DNAH5: variants seen among roughly 807,000 people sequenced by gnomAD.
DNAH5 encodes the protein dynein axonemal heavy chain 5.
A neutral mutation model predicts 518.2 loss-of-function variants in DNAH5; 372 were observed. The ratio of observed to expected loss-of-function variants is 0.72; its 90% CI spans 0.66 to 0.78. The LOEUF (loss-of-function observed/expected upper bound fraction) is 0.78. Among genes scored for constraint, DNAH5 ranks in the 30% least tolerant of loss-of-function variants. DNAH5 has a pLI of 0.00. For synonymous variants in DNAH5, 2,039 were observed against 2,025.9 expected (o/e 1.01, Z -0.17); for missense variants, 5,523 against 5,687.0 (o/e 0.97, Z 0.93).
intron 3 of DNAH5, among the ~76,000 whole-genome samples, chr5:13,925,854 G>GC (rs2152001007): frequency 6.6e-6 from 1 of 152,320 alleles, no homozygotes; most frequent in South Asian, 2.1e-4. Flanking sequence ...GAATGAGACT[G>GC]CAACTGTCCC....
At chr5:13,937,636 G>T (rs532406431) in intron 1 of DNAH5, among the ~76,000 whole-genome samples, 2 of 150,936 alleles carry the variant, frequency 1.3e-5, no homozygotes, top group African/African-American at 2.4e-5. Context: ...ACGGGGAAGT[G>T]GGTAGGGAAA....
chr5:13,792,785 G>A (rs1757203590), intron 49 of DNAH5, among the ~76,000 whole-genome samples: 2 of 152,178 alleles, frequency 1.3e-5, no homozygotes, highest in African/African-American at 4.8e-5. Context: ...TCACTAGCCT[G>A]GGGCACCCAG....
rs762917648 is a variant in DNAH5 at position 13,817,654 on chromosome 5, T to G, written c.6882A>C (p.Lys2294Asn). The G allele has an allele frequency of 1.2e-6, 2 of 1,614,224 alleles. No homozygotes were observed. Among genetic ancestry groups the G allele is most frequent in the East Asian group, 4.5e-5 (2 of 44,876 alleles). The change falls in exon 42 of 79, where the codon AAA becomes AAC. Residue 2294 changes from lysine to asparagine, a missense_variant. Lys to Asn is a moderately conservative substitution (Grantham distance 94). This residue lies in a region of DNAH5 where 5,121 missense variants were observed against 5,223.3 expected (regional missense o/e 0.98). Transcript: ENST00000265104. Reference protein sequence around the residue: ...KPHREMRMNPKAITAPQMFGR... With the variant: ...KPHREMRMNPNAITAPQMFGR... Reference sequence around the variant, plus strand: ...CAAACATCTGTGGGGCAGTAATCGCTTTGGGATTCATCCTCATTTCCCGAT... The same window carrying G: ...CAAACATCTGTGGGGCAGTAATCGCGTTGGGATTCATCCTCATTTCCCGAT...
chr5:13,893,030 C>T (rs192034943), intron 16 of DNAH5, among the ~76,000 whole-genome samples: 1 of 152,272 alleles, frequency 6.6e-6, no homozygotes, highest in Admixed American at 6.5e-5. Flanking sequence ...CATAATTTCT[C>T]ACTCTACTCC....
intron 1 of DNAH5, among the ~76,000 whole-genome samples, chr5:13,987,199 CT>C (rs1415687437): frequency 6.6e-6 from 1 of 151,994 alleles, no homozygotes; most frequent in African/African-American, 2.4e-5. Flanking sequence ...TCTTGCCTTC[CT>C]GGGATTGGAC....
At chr5:13,739,083 C>T (rs1014583413) in intron 65 of DNAH5, among the ~76,000 whole-genome samples, 12 of 152,100 alleles carry the variant, frequency 7.9e-5, no homozygotes, top group African/African-American at 2.7e-4. Flanking sequence ...ACTGGACTCA[C>T]GGCAGCTACC....
chr5:14,003,045 A>G (rs897390371), intron 1 of DNAH5, among the ~76,000 whole-genome samples: 9 of 152,192 alleles, frequency 5.9e-5, no homozygotes, highest in African/African-American at 2.2e-4. Flanking sequence ...GCTTTGAAGC[A>G]AAAAGGTTCT....
intron 47 of DNAH5, among the ~76,000 whole-genome samples, chr5:13,800,665 C>A (rs75763349): frequency 0.032 from 4,909 of 152,242 alleles, 245 homozygotes; most frequent in African/African-American, 0.11. Flanking sequence ...ATGACTCATA[C>A]ACAATGGCTA....
intron 52 of DNAH5, among the ~76,000 whole-genome samples, chr5:13,782,728 T>C (rs1014325852): frequency 3.3e-5 from 5 of 152,176 alleles, no homozygotes; most frequent in Non-Finnish European, 7.3e-5. Context: ...TGGGCCAAGG[T>C]CTTACATTAA....
upstream of DNAH5, among the ~76,000 whole-genome samples, chr5:13,947,726 A>T (rs115724482): frequency 6.6e-6 from 1 of 152,308 alleles, no homozygotes; most frequent in East Asian, 1.9e-4. Context: ...ATGGATTTCC[A>T]TCTTTAAGAA....
chr5:13,747,190 C>T (rs1030508799), intron 65 of DNAH5, among the ~76,000 whole-genome samples: 1 of 152,092 alleles, frequency 6.6e-6, no homozygotes, highest in African/African-American at 2.4e-5. Flanking sequence ...TTTCCAGCTT[C>T]ATCCATGTCC....
chr5:14,010,786 A>G (rs429880), intron 1 of DNAH5, among the ~76,000 whole-genome samples: 5,074 of 152,302 alleles, frequency 0.033, 280 homozygotes, highest in African/African-American at 0.12. Context: ...TATTATTTGC[A>G]TAATCTAGAT....
chr5:13,692,031 C>G lies in DNAH5; in HGVS notation c.13828G>C (p.Glu4610Gln). The change falls in exon 79 of 79, where the codon GAA becomes CAA. Residue 4610 changes from glutamate to glutamine, a missense_variant. This residue lies in a region of DNAH5 where 387 missense variants were observed against 430.0 expected (regional missense o/e 0.90). Coordinates refer to ENST00000265104, the MANE Select transcript of DNAH5 (RefSeq NM_001369.3). ...GCAACCCCACGGAGCACCCAGTGTTCAGGGGTCTGGGCTGTCCTGAGATCC... is the reference window on the plus strand; with the variant it reads ...GCAACCCCACGGAGCACCCAGTGTTGAGGGGTCTGGGCTGTCCTGAGATCC... The part of the protein sequence containing the change: ...AVDLRTAQTP[E>Q]HWVLRGVALL... 1 of 1,614,098 alleles carries G rather than the reference C, an allele frequency of 6.2e-7. No individual in the cohort carries two copies. Among genetic ancestry groups the G allele is most frequent in the African/African-American group, 1.3e-5 (1 of 75,024 alleles).
chr5:13,889,930 A>T (rs1772966579), intron 17 of DNAH5, among the ~76,000 whole-genome samples: 1 of 152,158 alleles, frequency 6.6e-6, no homozygotes, highest in African/African-American at 2.4e-5. Flanking sequence ...CCGGCACATC[A>T]TATTAAAATC....
rs755224655 is a variant in DNAH5, at chr5:13,841,914, A to G, written c.5272-10T>C. On this transcript the variant is annotated splice_polypyrimidine_tract_variant and intron_variant, in intron 32 of 78. Transcript: ENST00000265104. ...GAATTCGATCATAGATCTATGTTAG[A>G]AACCAAAAAAAAAAAAAAAAAAAGC... The G allele has an allele frequency of 8.3e-7, 1 of 1,206,706 alleles. No homozygotes were observed. Among genetic ancestry groups the G allele is most frequent in the East Asian group, 2.6e-5 (1 of 38,164 alleles). 74.7% of individuals were successfully genotyped at this position (1,206,706 alleles called of 1,614,324 possible).
At chr5:13,821,656 T>C (rs1762256987) in intron 40 of DNAH5, among the ~76,000 whole-genome samples, 1 of 152,240 alleles carries the variant, frequency 6.6e-6, no homozygotes, top group Non-Finnish European at 1.5e-5. Context: ...CAGTACGTAA[T>C]GATTTCAATT....
intron 66 of DNAH5, 32 bp from the exon 67 acceptor site, chr5:13,735,964 A>G: frequency 6.5e-7 from 1 of 1,526,894 alleles, no homozygotes. Context: ...TGCATGTGCT[A>G]CGAGAGAGGA....
chr5:13,985,099 T>C (rs1422156371), intron 1 of DNAH5, among the ~76,000 whole-genome samples: 1 of 151,988 alleles, frequency 6.6e-6, no homozygotes, highest in Non-Finnish European at 1.5e-5. Context: ...TATGCAGCCA[T>C]AAAAAATGAT....
chr5:13,797,145 G>A lies in DNAH5; in HGVS notation c.7888-3087C>T, dbSNP rs1156983897. ...CCATTCAGGATACAGGCATGGGCAA[G>A]GACTTCATGACTAAAACACCAAAAG... On this transcript the variant is annotated intron_variant, in intron 47 of 78. Coordinates refer to ENST00000265104, the MANE Select transcript of DNAH5 (RefSeq NM_001369.3). Among the ~76,000 whole-genome samples the A allele has an allele frequency of 3.9e-5, 6 of 152,248 alleles. No individual in the cohort carries two copies. The East Asian group carries it at 1.2e-3, about 29-fold the overall frequency.
Sources: allele counts gnomAD v4.1 joint callset (sites outside exome capture counted in the v4.1 genomes callset), GRCh38; gene constraint gnomAD v4.1.1; regional missense constraint gnomAD v4.1.1; transcripts MANE v1.5; gene names NCBI Gene and HGNC (gene_info 2026-07-23, HGNC 2026-07-21).